COXFA4: variants seen among roughly 807,000 people sequenced by gnomAD.
COXFA4 encodes the protein cytochrome c oxidase subunit FA4.
the COXFA4 span, chr7:10,939,463 GCACAT>G: frequency 5.6e-6 from 1 of 179,378 alleles, no homozygotes; most frequent in South Asian, 1.1e-4. Flanking sequence ...TAGCTCTACA[GCACAT>G]TGATGTGCTG....
At chr7:10,939,783 T>C in the COXFA4 span, 2 of 608,570 alleles carry the variant, frequency 3.3e-6, no homozygotes, top group Non-Finnish European at 5.8e-6. Flanking sequence ...AACTAGGTTT[T>C]TTTTCCGAGC....
At chr7:10,940,119 T>C in the COXFA4 span, 12 of 1,538,756 alleles carry the variant, frequency 7.8e-6, no homozygotes, top group Non-Finnish European at 1.1e-5. Flanking sequence ...GGCCCTAAGC[T>C]AAAAATTATC....
chr7:10,938,121 C>G, the COXFA4 span: 1 of 1,613,298 alleles, frequency 6.2e-7, no homozygotes, highest in Non-Finnish European at 8.5e-7. Flanking sequence ...CAGTTTGTTC[C>G]AGGGCTCTGG....
chr7:10,932,887 T>C, the COXFA4 span: 2 of 151,766 alleles, frequency 1.3e-5, no homozygotes, highest in African/African-American at 4.8e-5. Flanking sequence ...GGAGGATCAC[T>C]TAAGCCCGGG....
the COXFA4 span, among the ~76,000 whole-genome samples, chr7:10,936,327 T>C: frequency 6.6e-6 from 1 of 152,236 alleles, no homozygotes; most frequent in Non-Finnish European, 1.5e-5. Context: ...CATATTGGCA[T>C]GTGTTGTGAT....
the COXFA4 span, among the ~76,000 whole-genome samples, chr7:10,934,768 C>A: frequency 6.6e-6 from 1 of 152,030 alleles, no homozygotes; most frequent in African/African-American, 2.4e-5. Context: ...AAGCTTATTA[C>A]CAAGTTATCG....
the COXFA4 span, chr7:10,937,996 T>A: frequency 3.8e-5 from 38 of 1,002,280 alleles, no homozygotes; most frequent in African/African-American, 4.0e-4. Context: ...ATAATGGAAT[T>A]TTACTCGTAT....
the COXFA4 span, chr7:10,933,750 G>A: frequency 7.8e-7 from 1 of 1,284,990 alleles, no homozygotes; most frequent in Non-Finnish European, 1.1e-6. Context: ...ACGGTACAAA[G>A]GTTTTAGAAT....
the COXFA4 span, chr7:10,938,896 A>G: frequency 3.1e-6 from 5 of 1,608,686 alleles, no homozygotes; most frequent in Non-Finnish European, 4.3e-6. Flanking sequence ...AGGGGGATCA[A>G]CTAAACCAAA....
the COXFA4 span, among the ~76,000 whole-genome samples, chr7:10,935,049 T>C: frequency 1.3e-5 from 2 of 152,248 alleles, no homozygotes; most frequent in Non-Finnish European, 2.9e-5. Context: ...GCTTTATGTA[T>C]ATCTTAGTTA....
the COXFA4 span, among the ~76,000 whole-genome samples, chr7:10,936,031 G>A: frequency 6.6e-6 from 1 of 152,152 alleles, no homozygotes; most frequent in Non-Finnish European, 1.5e-5. Context: ...ATTTCCCACA[G>A]CAAGTCACAA....
the COXFA4 span, chr7:10,938,299 A>G: frequency 9.1e-6 from 6 of 658,722 alleles, no homozygotes; most frequent in East Asian, 8.2e-5. Context: ...TAGAGGATCT[A>G]TAATAAGCAA....
At chr7:10,933,403 T>G in the COXFA4 span, 1 of 489,472 alleles carries the variant, frequency 2.0e-6, no homozygotes, top group Non-Finnish European at 3.6e-6. Context: ...AATAGTTAAT[T>G]TCCTATACTC....
the COXFA4 span, chr7:10,938,778 T>C: frequency 1.3e-6 from 2 of 1,558,470 alleles, no homozygotes; most frequent in Non-Finnish European, 1.8e-6. Flanking sequence ...TGATCAGCTA[T>C]CAAAGTTTTA....
At chr7:10,932,104 T>C in the COXFA4 span, 1 of 152,180 alleles carries the variant, frequency 6.6e-6, no homozygotes, top group Non-Finnish European at 1.5e-5. Context: ...TGCCCACCAA[T>C]GGACATTTGG....
At chr7:10,939,966 C>A in the COXFA4 span, 2 of 1,608,370 alleles carry the variant, frequency 1.2e-6, no homozygotes, top group South Asian at 2.2e-5. Flanking sequence ...AGGCGCACCC[C>A]GACGCAAGAA....
chr7:10,934,065 C>G, the COXFA4 span, among the ~76,000 whole-genome samples: 1 of 152,028 alleles, frequency 6.6e-6, no homozygotes, highest in African/African-American at 2.4e-5. Context: ...GAATCGCCAA[C>G]AGAATAGAGG....
the COXFA4 span, chr7:10,938,837 C>G: frequency 3.1e-6 from 5 of 1,613,604 alleles, no homozygotes; most frequent in African/African-American, 5.3e-5. Context: ...ATGCCAGACG[C>G]AAGAGATACA....
the COXFA4 span, chr7:10,939,842 G>A: frequency 8.9e-6 from 7 of 782,178 alleles, no homozygotes; most frequent in Non-Finnish European, 1.6e-5. Context: ...AATGCATGGC[G>A]TAGAGGGTCA....
Sources: gnomAD v4.1 joint callset for allele counts (sites outside exome capture counted in the v4.1 genomes callset) on GRCh38, gnomAD v4.1.1 for gene constraint, MANE v1.5 for transcripts, NCBI Gene and HGNC (gene_info 2026-07-23, HGNC 2026-07-21) for gene names.